OXNAD1: variants seen among roughly 807,000 people sequenced by gnomAD.
OXNAD1 encodes oxidoreductase NAD-binding domain-containing protein 1.
OXNAD1 carries 34 observed loss-of-function variants against 32.9 expected under a neutral mutation model. The ratio of observed to expected loss-of-function variants is 1.03; its 90% CI spans 0.79 to 1.38. OXNAD1 has a LOEUF of 1.38. OXNAD1 is among the 40% of genes most tolerant of loss of function. OXNAD1 has a pLI of 0.00. For synonymous variants in OXNAD1, 134 were observed against 135.2 expected (o/e 0.99, Z 0.06); for missense variants, 407 against 379.4 (o/e 1.07, Z -0.60).
chr3:16,332,774 T>C (rs1236222485), intron 9 of OXNAD1, among the ~76,000 whole-genome samples: 8 of 146,842 alleles, frequency 5.4e-5, no homozygotes, highest in Non-Finnish European at 3.0e-5. Context: ...TAAAAATTTG[T>C]TGAAATCACT....
chr3:16,286,461 T>TC lies in OXNAD1; in HGVS notation c.290+14dup. The stretch of plus-strand genomic sequence containing the variant: ...AAGCTGGCCAGTGGTAAGTGACTTT[T>TC]CTGTGTTCCATGTATGTATGTTCAA... On this transcript the variant is annotated intron_variant, in intron 5 of 8. Coordinates refer to ENST00000285083, the MANE Select transcript of OXNAD1 (RefSeq NM_138381.5). 1 of 1,605,390 alleles carries TC rather than the reference T, an allele frequency of 6.2e-7. No individual in the cohort carries two copies. The highest frequency in any genetic ancestry group is 8.5e-7 in the Non-Finnish European group (1 of 1,172,242).
Position 16,280,175 on chromosome 3 carries a change from G to T in OXNAD1, c.184-6167G>T, listed in dbSNP as rs2065642548. 6.6e-6 allele frequency among the ~76,000 whole-genome samples: 1 copy of T among 152,132 alleles called. No individual in the cohort carries two copies. Among genetic ancestry groups the T allele is most frequent in the South Asian group, 2.1e-4 (1 of 4,824 alleles). ...TTTGCTGCTGTTGTTGTTGTTACAT[G>T]TTACATGAGGTGGGAGATCCTAGAG... On this transcript the variant is annotated intron_variant, in intron 4 of 8. Transcript: ENST00000285083. This position sits in a 1 kb window ranked among gnomAD's most constrained non-coding sequence, Gnocchi z 4.5.
chr3:16,276,224 T>C (rs932719898), intron 4 of OXNAD1: 2 of 237,902 alleles, frequency 8.4e-6, no homozygotes, highest in South Asian at 5.4e-5. Flanking sequence ...AATTGCGTGT[T>C]CAGGGAGCAC....
chr3:16,270,857 C>T (rs766920290), intron 2 of OXNAD1, 88 bp from the exon 3 acceptor site: 46 of 1,554,722 alleles, frequency 3.0e-5, no homozygotes, highest in Non-Finnish European at 3.7e-5. Context: ...CAGAAATCCA[C>T]ACTCTTCCTC....
rs1443310758 is a variant in OXNAD1 at position 16,288,591 on chromosome 3, C to T, written c.290+2143C>T. 6.6e-6 allele frequency among the ~76,000 whole-genome samples: 1 copy of T among 152,180 alleles called. No homozygotes were observed. Among genetic ancestry groups the T allele is most frequent in the Non-Finnish European group, 1.5e-5 (1 of 68,034 alleles). ...CTTTTTGCACTACACTGTATTCTTA[C>T]TGGGCCTTGCAGAGAGGGCTGGTTC... is the stretch of plus-strand genomic sequence containing the variant. On this transcript the variant is annotated intron_variant, in intron 5 of 8. Transcript: ENST00000285083. This position sits in a 1 kb window ranked among gnomAD's most constrained non-coding sequence, Gnocchi z 5.1.
downstream of OXNAD1, among the ~76,000 whole-genome samples, chr3:16,340,630 G>C (rs1169342234): frequency 6.6e-6 from 1 of 152,210 alleles, no homozygotes; most frequent in African/African-American, 2.4e-5. Flanking sequence ...ACATTTAATG[G>C]AGATGAGTGT....
chr3:16,322,749 A>G lies in OXNAD1; in HGVS notation c.*31-14363A>G, dbSNP rs1430853878. Among the ~76,000 whole-genome samples the G allele has an allele frequency of 1.3e-5, 2 of 152,178 alleles. No homozygotes were observed. The highest frequency in any genetic ancestry group is 2.9e-5 in the Non-Finnish European group (2 of 68,032). On this transcript the variant is annotated intron_variant, in intron 9 of 9. Coordinates refer to the OXNAD1 transcript ENST00000435829. The surrounding 1 kb of genome is among the most constrained non-coding windows in gnomAD (Gnocchi z 6.2). ...ACAGAGAAGACTCTCTGAGAAGGCC[A>G]GTCTCTGTGCGACTGTTTCTAGGGT...
chr3:16,345,817 T>TGTGTGTGCGC lies in OXNAD1; in HGVS notation c.*31-3358_*31-3357insTGTGTGCGCG, dbSNP rs1160939614. On this transcript the variant is annotated intron_variant, in intron 9 of 9. Transcript: ENST00000606098. The surrounding 1 kb of genome is among the most constrained non-coding windows in gnomAD (Gnocchi z 5.2). ...GTGTGTGTGTGTGTGTGTGTGTGTG[T>TGTGTGTGCGC]GCGCGCGCGCGTGCGCGCACGCGCA... is the stretch of plus-strand genomic sequence containing the variant. Among the ~76,000 whole-genome samples the TGTGTGTGCGC allele has an allele frequency of 5.4e-5, 4 of 74,618 alleles. No individual in the cohort carries two copies. The highest frequency in any genetic ancestry group is 2.2e-4 in the African/African-American group (4 of 18,182). 49.0% of individuals were successfully genotyped at this position (74,618 alleles called of 152,430 possible).
intron 1 of OXNAD1, among the ~76,000 whole-genome samples, chr3:16,266,993 G>A (rs973188861): frequency 6.6e-6 from 1 of 152,186 alleles, no homozygotes; most frequent in Non-Finnish European, 1.5e-5. Context: ...TTTGCCTGTT[G>A]GAGCAAGAGG....
At position 16,297,986 on chromosome 3, in the gene OXNAD1, A is replaced by G. The variant is rs1174778704; in HGVS notation, c.432+2989A>G. 6.6e-6 allele frequency among the ~76,000 whole-genome samples: 1 copy of G among 152,244 alleles called. No individual in the cohort carries two copies. The highest frequency in any genetic ancestry group is 2.4e-5 in the African/African-American group (1 of 41,462). ...GATTTCTATTAAGGAAATTTTTAAA[A>G]TAAGTTTTTAAAAATGTGCAGGAGC... On this transcript the variant is annotated intron_variant, in intron 6 of 8. Transcript: ENST00000285083. The surrounding 1 kb of genome is among the most constrained non-coding windows in gnomAD (Gnocchi z 4.3).
At position 16,327,831 on chromosome 3, in the gene OXNAD1, C is replaced by T. The variant is rs769777071; in HGVS notation, c.*31-9281C>T. Among the ~76,000 whole-genome samples, 10 of 152,136 alleles carry T rather than the reference C, an allele frequency of 6.6e-5. No individual in the cohort carries two copies. The highest frequency in any genetic ancestry group is 1.5e-4 in the Non-Finnish European group (10 of 68,010). ...CAGGGAGAGAGCCCTGATGTGAGGC[C>T]CCTGCACTGGCTTCCACCTCTGCAG... On this transcript the variant is annotated intron_variant, in intron 9 of 9. Coordinates refer to the OXNAD1 transcript ENST00000435829. The surrounding 1 kb of genome is among the most constrained non-coding windows in gnomAD (Gnocchi z 4.2).
Position 16,297,673 on chromosome 3 carries a change from G to A in OXNAD1, c.432+2676G>A, listed in dbSNP as rs1236408793. 2.0e-5 allele frequency among the ~76,000 whole-genome samples: 3 copies of A among 152,212 alleles called. No individual in the cohort carries two copies. Reference sequence around the variant, plus strand: ...ACTATTAAAGAGATGAATTATTGATGCATGCAGCAATGTGGGTGAATCTCA... The same window carrying A: ...ACTATTAAAGAGATGAATTATTGATACATGCAGCAATGTGGGTGAATCTCA... On this transcript the variant is annotated intron_variant, in intron 6 of 8. Transcript: ENST00000285083. This position sits in a 1 kb window ranked among gnomAD's most constrained non-coding sequence, Gnocchi z 4.3.
chr3:16,300,605 T>C (rs2067113564), intron 6 of OXNAD1, among the ~76,000 whole-genome samples: 1 of 152,238 alleles, frequency 6.6e-6, no homozygotes, highest in Admixed American at 6.5e-5. Flanking sequence ...CACAAGTCAT[T>C]GTGCAGGACA....
rs2068528145 is a variant in OXNAD1, at chr3:16,317,443, G to A, written c.*30+13851G>A. On this transcript the variant is annotated intron_variant, in intron 9 of 9. Coordinates refer to the OXNAD1 transcript ENST00000435829. The surrounding 1 kb of genome is among the most constrained non-coding windows in gnomAD (Gnocchi z 4.3). ...GCCTGCACCACACCTTCCAGGATGTGTATTTTAGATGTAGATTTCAGGTTC... is the reference window on the plus strand; with the variant it reads ...GCCTGCACCACACCTTCCAGGATGTATATTTTAGATGTAGATTTCAGGTTC... Among the ~76,000 whole-genome samples the A allele has an allele frequency of 6.6e-6, 1 of 152,032 alleles. No individual in the cohort carries two copies. Among genetic ancestry groups the A allele is most frequent in the Admixed American group, 6.5e-5 (1 of 15,272 alleles).
In OXNAD1 at chr3:16,289,952, A is replaced by G. The variant is rs1020958748; in HGVS notation, c.290+3504A>G. On this transcript the variant is annotated intron_variant, in intron 5 of 8. Transcript: ENST00000285083. This position sits in a 1 kb window ranked among gnomAD's most constrained non-coding sequence, Gnocchi z 4.9. ...TATGTGCATCTTTGTACCTCCAGCA[A>G]GTACCACAGTGCCTGTATATGGTAG... Among the ~76,000 whole-genome samples, 6 of 152,230 alleles carry G rather than the reference A, an allele frequency of 3.9e-5. No individual in the cohort carries two copies. Among genetic ancestry groups the G allele is most frequent in the African/African-American group, 1.2e-4 (5 of 41,460 alleles).
Position 16,327,042 on chromosome 3 carries a change from G to C in OXNAD1, c.*31-10070G>C, listed in dbSNP as rs1407386084. Among the ~76,000 whole-genome samples, 1 of 152,196 alleles carries C rather than the reference G, an allele frequency of 6.6e-6. No individual in the cohort carries two copies. Among genetic ancestry groups the C allele is most frequent in the South Asian group, 2.1e-4 (1 of 4,830 alleles). ...GCTTGCTGAAGACTTTAAAAGTTTG[G>C]AGTCAAACTGCCAACATGGGATTTC... On this transcript the variant is annotated intron_variant, in intron 9 of 9. Transcript: ENST00000435829. This position sits in a 1 kb window ranked among gnomAD's most constrained non-coding sequence, Gnocchi z 4.2.
chr3:16,308,597 A>G (rs1348048022), downstream of OXNAD1, among the ~76,000 whole-genome samples: 1 of 152,230 alleles, frequency 6.6e-6, no homozygotes, highest in East Asian at 1.9e-4. The surrounding 1 kb of genome is among the most constrained non-coding windows in gnomAD (Gnocchi z 4.4). Context: ...CATCTTAAAC[A>G]GTGAGATGTC....
chr3:16,277,278 C>G lies in OXNAD1; in HGVS notation c.183+5556C>G, dbSNP rs1032886978. On this transcript the variant is annotated intron_variant, in intron 4 of 8. Transcript: ENST00000285083. The surrounding 1 kb of genome is among the most constrained non-coding windows in gnomAD (Gnocchi z 4.3). ...CTTCTCCCATACAGAATGAGAACTG[C>G]GAAGAGTTGGGAGGAACTGGAGAAA... Among the ~76,000 whole-genome samples, 2 of 151,984 alleles carry G rather than the reference C, an allele frequency of 1.3e-5. No homozygotes were observed. Among genetic ancestry groups the G allele is most frequent in the African/African-American group, 2.4e-5 (1 of 41,346 alleles).
chr3:16,296,059 T>TA (rs1330464121), intron 6 of OXNAD1, among the ~76,000 whole-genome samples: 41 of 152,126 alleles, frequency 2.7e-4, no homozygotes, highest in African/African-American at 9.2e-4. Context: ...GCAAAGAGGG[T>TA]ATGGAAACAC....
Sources: allele counts gnomAD v4.1 joint callset (sites outside exome capture counted in the v4.1 genomes callset), GRCh38; gene constraint gnomAD v4.1.1; non-coding constraint Gnocchi (gnomAD v3.1); transcripts MANE v1.5; gene names NCBI Gene and HGNC (gene_info 2026-07-23, HGNC 2026-07-21).